QTGAL: variants seen among roughly 807,000 people sequenced by gnomAD.
The protein encoded by QTGAL is queuosine-tRNA galactosyltransferase.
the QTGAL span, among the ~76,000 whole-genome samples, chr17:82,955,158 A>G: frequency 6.6e-6 from 1 of 152,260 alleles, no homozygotes; most frequent in African/African-American, 2.4e-5. Context: ...TCTGCTCAGC[A>G]AAAGAAACTA....
the QTGAL span, among the ~76,000 whole-genome samples, chr17:82,994,306 G>C: frequency 6.6e-6 from 1 of 152,016 alleles, no homozygotes; most frequent in Non-Finnish European, 1.5e-5. Flanking sequence ...GATGAAAAGA[G>C]AGACATTACA....
chr17:83,007,443 T>G, the QTGAL span, among the ~76,000 whole-genome samples: 3 of 152,052 alleles, frequency 2.0e-5, no homozygotes, highest in African/African-American at 7.2e-5. Flanking sequence ...CAGAAAAGAT[T>G]TTGAGGGAAG....
At chr17:83,033,994 G>T in the QTGAL span, among the ~76,000 whole-genome samples, 1 of 152,136 alleles carries the variant, frequency 6.6e-6, no homozygotes, top group Admixed American at 6.5e-5. Flanking sequence ...AGGCTGGAGT[G>T]CAATGGCGCA....
At chr17:82,968,770 C>T in the QTGAL span, among the ~76,000 whole-genome samples, 8 of 152,040 alleles carry the variant, frequency 5.3e-5, no homozygotes, top group East Asian at 1.9e-4. Flanking sequence ...GAGGCTGAGG[C>T]GGGCGGATCA....
chr17:82,955,481 T>TA, the QTGAL span, among the ~76,000 whole-genome samples: 5 of 152,150 alleles, frequency 3.3e-5, no homozygotes, highest in Admixed American at 6.5e-5. Flanking sequence ...TGGCGATTTC[T>TA]AAAAAATCAA....
chr17:83,040,823 T>C, the QTGAL span, among the ~76,000 whole-genome samples: 1 of 152,152 alleles, frequency 6.6e-6, no homozygotes, highest in Non-Finnish European at 1.5e-5. Flanking sequence ...CCCAGCACTT[T>C]GGGAGGCCGA....
At chr17:83,051,292 A>AGGAGCGAGGCG in the QTGAL span, among the ~76,000 whole-genome samples, 63 of 80,992 alleles carry the variant, frequency 7.8e-4, no homozygotes, top group African/African-American at 2.5e-3. Flanking sequence ...GCAGGTGCGC[A>AGGAGCGAGGCG]GGAGCGAGGC....
the QTGAL span, chr17:83,006,705 C>T: frequency 1.0e-6 from 1 of 985,348 alleles, no homozygotes; most frequent in Non-Finnish European, 1.2e-6. This position sits in a 1 kb window ranked among gnomAD's most constrained non-coding sequence, Gnocchi z 5.8. Flanking sequence ...CCTTCTGTGC[C>T]CGGCTTTCGC....
the QTGAL span, among the ~76,000 whole-genome samples, chr17:82,965,142 C>T: frequency 7.0e-6 from 1 of 142,028 alleles, no homozygotes; most frequent in African/African-American, 3.0e-5. Flanking sequence ...ACACAGACAC[C>T]TGCAGGTGCA....
At chr17:82,968,158 C>T in the QTGAL span, among the ~76,000 whole-genome samples, 1 of 152,128 alleles carries the variant, frequency 6.6e-6, no homozygotes, top group Non-Finnish European at 1.5e-5. Context: ...CATGTGTGTT[C>T]ACGGCAGCCC....
At chr17:82,942,436 G>C in the QTGAL span, 1 of 1,613,628 alleles carries the variant, frequency 6.2e-7, no homozygotes, top group Non-Finnish European at 8.5e-7. Context: ...AGCTTGTCTT[G>C]TCTCTTCTTC....
the QTGAL span, among the ~76,000 whole-genome samples, chr17:82,962,009 TCTC>T: frequency 0.035 from 5,254 of 152,126 alleles, 313 homozygotes; most frequent in African/African-American, 0.12. Flanking sequence ...TGGAGTCTGG[TCTC>T]CTCGTGGTTC....
chr17:82,982,210 C>T, the QTGAL span, among the ~76,000 whole-genome samples: 12 of 151,626 alleles, frequency 7.9e-5, no homozygotes, highest in African/African-American at 2.2e-4. Context: ...CCGAGCGGGC[C>T]GAGGAAGGAG....
the QTGAL span, among the ~76,000 whole-genome samples, chr17:83,008,104 A>G: frequency 7.2e-6 from 1 of 139,684 alleles, no homozygotes; most frequent in Non-Finnish European, 1.6e-5. Context: ...GAGGTGCGCT[A>G]TGCGCTTAAT....
the QTGAL span, chr17:83,051,743 G>T: frequency 2.7e-6 from 4 of 1,497,476 alleles, no homozygotes; most frequent in Admixed American, 4.3e-5. Context: ...CTACCACGTG[G>T]GCCTGCATGG....
At chr17:82,990,359 C>T in the QTGAL span, among the ~76,000 whole-genome samples, 12 of 152,352 alleles carry the variant, frequency 7.9e-5, no homozygotes, top group South Asian at 1.0e-3. Context: ...CTGGGAGGAA[C>T]GCCAACGCAG....
chr17:83,043,856 G>A, the QTGAL span, among the ~76,000 whole-genome samples: 2 of 151,958 alleles, frequency 1.3e-5, no homozygotes, highest in Admixed American at 6.6e-5. Context: ...ATGACAGTGT[G>A]AAAAACAACA....
chr17:83,032,191 G>A, the QTGAL span, among the ~76,000 whole-genome samples: 1,364 of 42,224 alleles, frequency 0.032, 9 homozygotes, highest in East Asian at 0.052. Flanking sequence ...GCTGAACAAC[G>A]GGTCAGACCA....
the QTGAL span, among the ~76,000 whole-genome samples, chr17:82,946,580 G>GTGTGTGTGTGTT: frequency 2.6e-5 from 4 of 152,056 alleles, no homozygotes; most frequent in Non-Finnish European, 5.9e-5. Context: ...GTGTGTGTGT[G>GTGTGTGTGTGTT]TGTGTACACA....
Sources: allele counts gnomAD v4.1 joint callset (sites outside exome capture counted in the v4.1 genomes callset), GRCh38; gene constraint gnomAD v4.1.1; non-coding constraint Gnocchi (gnomAD v3.1); transcripts MANE v1.5; gene names NCBI Gene and HGNC (gene_info 2026-07-23, HGNC 2026-07-21).